Variants in PRKAR2B observed in about 807,000 individuals in gnomAD.
PRKAR2B encodes protein kinase cAMP-dependent type II regulatory subunit beta, also known as cAMP-dependent protein kinase type II-beta regulatory subunit.
A neutral mutation model predicts 49.9 loss-of-function variants in PRKAR2B; 14 were observed. The ratio of observed to expected loss-of-function variants is 0.28; its 90% CI spans 0.19 to 0.44. The LOEUF is 0.44. Ranked by LOEUF, PRKAR2B falls within the 20% of genes least tolerant of loss-of-function variation. The pLI, the probability that PRKAR2B is intolerant of heterozygous loss-of-function variation, is 1.00. For synonymous variants in PRKAR2B, 196 were observed against 197.7 expected (o/e 0.99, Z 0.07); for missense variants, 393 against 537.9 (o/e 0.73, Z 2.67).
At chr7:107,128,508 G>A (rs1321761764) in intron 4 of PRKAR2B, among the ~76,000 whole-genome samples, 1 of 152,152 alleles carries the variant, frequency 6.6e-6, no homozygotes, top group African/African-American at 2.4e-5. Flanking sequence ...GGAGCAAGAA[G>A]TAAAGAAGCC....
intron 1 of PRKAR2B, among the ~76,000 whole-genome samples, chr7:107,069,175 A>G (rs1794214397): frequency 6.6e-6 from 1 of 152,154 alleles, no homozygotes; most frequent in African/African-American, 2.4e-5. Context: ...ACCTCAGGTG[A>G]TCTGCCCACC....
At chr7:107,158,988 A>G (rs1172030657) in intron 10 of PRKAR2B, among the ~76,000 whole-genome samples, 1 of 152,220 alleles carries the variant, frequency 6.6e-6, no homozygotes, top group Non-Finnish European at 1.5e-5. Context: ...GATTGCATAG[A>G]CATAGTATGG....
chr7:107,108,540 G>C (rs1716834717), intron 2 of PRKAR2B, among the ~76,000 whole-genome samples: 1 of 152,168 alleles, frequency 6.6e-6, no homozygotes, highest in Non-Finnish European at 1.5e-5. Flanking sequence ...CACCCAAAAA[G>C]ATCAATGTCA....
rs534273048 is a variant in PRKAR2B, at chr7:107,060,090, C to T, written c.308-10191C>T. Among the ~76,000 whole-genome samples, 7 of 151,932 alleles carry T rather than the reference C, an allele frequency of 4.6e-5. No individual in the cohort carries two copies. In the East Asian group the frequency reaches 1.2e-3, roughly 25 times the overall value. On this transcript the variant is annotated intron_variant, in intron 1 of 10. Coordinates refer to ENST00000265717, the MANE Select transcript of PRKAR2B (RefSeq NM_002736.3). Reference sequence around the variant, plus strand: ...TTTAATCAAAATATGTTATTAGTAACGTGTAAGTTCCTTTAAATTCATATT... The same window carrying T: ...TTTAATCAAAATATGTTATTAGTAATGTGTAAGTTCCTTTAAATTCATATT...
chr7:107,156,851 C>A, intron 8 of PRKAR2B, 133 bp from the exon 9 acceptor site: 2 of 739,448 alleles, frequency 2.7e-6, no homozygotes, highest in Non-Finnish European at 4.6e-6. Flanking sequence ...ACAGCTTGTT[C>A]CCTTAGGATT....
chr7:107,082,455 CTCT>C (rs1450798434), intron 2 of PRKAR2B, among the ~76,000 whole-genome samples: 15 of 152,014 alleles, frequency 9.9e-5, no homozygotes, highest in Admixed American at 3.3e-4. Context: ...GAATTGAAAG[CTCT>C]TCTTAGAATA....
chr7:107,049,256 A>G (rs552452519), intron 1 of PRKAR2B, among the ~76,000 whole-genome samples: 1 of 152,238 alleles, frequency 6.6e-6, no homozygotes, highest in African/African-American at 2.4e-5. Flanking sequence ...TTAACTACAC[A>G]TGGGCACATG....
At chr7:107,156,523 G>A (rs1458771918) in intron 8 of PRKAR2B, among the ~76,000 whole-genome samples, 4 of 151,992 alleles carry the variant, frequency 2.6e-5, no homozygotes, top group African/African-American at 9.7e-5. Context: ...TCTTCATTTA[G>A]GGCCGGGCTC....
Position 107,159,664 on chromosome 7 carries a change from C to G in PRKAR2B, c.*82C>G. ...ACTGAGAATGTGTTTGTGTAGATGC[C>G]AAGCATTTTCTGTGATTTCAGGTTT... On this transcript the variant is annotated 3_prime_UTR_variant, in exon 11 of 11. Coordinates refer to ENST00000265717, the MANE Select transcript of PRKAR2B (RefSeq NM_002736.3). 7.0e-7 allele frequency: 1 copy of G among 1,426,460 alleles called. No homozygotes were observed. The allele number at this position is 1,426,460 out of a possible 1,614,324, so 88.4% of individuals were successfully genotyped here.
intron 2 of PRKAR2B, among the ~76,000 whole-genome samples, chr7:107,097,806 A>G (rs1377696843): frequency 1.3e-5 from 2 of 152,118 alleles, no homozygotes; most frequent in African/African-American, 4.8e-5. Flanking sequence ...TGGGTTGAAA[A>G]TTCTTTTCTT....
At chr7:107,122,993 A>T (rs1188187003) in intron 3 of PRKAR2B, among the ~76,000 whole-genome samples, 1 of 152,186 alleles carries the variant, frequency 6.6e-6, no homozygotes, top group African/African-American at 2.4e-5. Flanking sequence ...AGGTATTTTT[A>T]CTAATCTGTG....
At chr7:107,113,704 GTTTTA>G (rs1011495359) in intron 2 of PRKAR2B, among the ~76,000 whole-genome samples, 4 of 152,072 alleles carry the variant, frequency 2.6e-5, no homozygotes, top group Non-Finnish European at 2.9e-5. Flanking sequence ...CATTTGTGAG[GTTTTA>G]TTTTTTGTCT....
chr7:107,152,072 C>T (rs12705405), intron 7 of PRKAR2B, among the ~76,000 whole-genome samples: 127,993 of 152,208 alleles, frequency 0.84, 54,007 homozygotes, highest in East Asian at 0.93. Context: ...TCTCTTTCCC[C>T]GCAGATGGCA....
intron 1 of PRKAR2B, among the ~76,000 whole-genome samples, chr7:107,066,180 A>G (rs1319635505): frequency 6.6e-6 from 1 of 152,078 alleles, no homozygotes; most frequent in Admixed American, 6.6e-5. Context: ...CTTAGGTTAT[A>G]TTCTCTTAAA....
chr7:107,055,716 C>G (rs1007697379), intron 1 of PRKAR2B, among the ~76,000 whole-genome samples: 1 of 152,138 alleles, frequency 6.6e-6, no homozygotes, highest in Non-Finnish European at 1.5e-5. Flanking sequence ...GATATTAGCC[C>G]TTTGTCAGAT....
intron 4 of PRKAR2B, among the ~76,000 whole-genome samples, chr7:107,131,507 A>G (rs1795603109): frequency 6.6e-6 from 1 of 152,208 alleles, no homozygotes; most frequent in East Asian, 1.9e-4. Flanking sequence ...GAAGGTCAAT[A>G]TGTATTTTAA....
chr7:107,090,761 A>G (rs1265015533), intron 2 of PRKAR2B, among the ~76,000 whole-genome samples: 1 of 152,244 alleles, frequency 6.6e-6, no homozygotes, highest in East Asian at 1.9e-4. Flanking sequence ...GTGCAACTGC[A>G]GGTGACCCGT....
chr7:107,048,856 A>T (rs1313857443), intron 1 of PRKAR2B, among the ~76,000 whole-genome samples: 1 of 152,184 alleles, frequency 6.6e-6, no homozygotes, highest in Non-Finnish European at 1.5e-5. Flanking sequence ...TGGTCGAAAG[A>T]GCAAGCTTTA....
chr7:107,095,636 G>T (rs1794823577), intron 2 of PRKAR2B, among the ~76,000 whole-genome samples: 1 of 152,100 alleles, frequency 6.6e-6, no homozygotes, highest in Non-Finnish European at 1.5e-5. Flanking sequence ...ATTGACTGTG[G>T]GTTTGTCCTA....
Sources: gnomAD v4.1 joint callset for allele counts (sites outside exome capture counted in the v4.1 genomes callset) on GRCh38, gnomAD v4.1.1 for gene constraint, MANE v1.5 for transcripts, NCBI Gene and HGNC (gene_info 2026-07-23, HGNC 2026-07-21) for gene names.